CADPS2: variants seen among roughly 807,000 people sequenced by gnomAD.
CADPS2 encodes calcium-dependent secretion activator 2.
In CADPS2, 93 loss-of-function variants were observed where a neutral mutation model predicts 172.5. That is an observed-to-expected ratio of 0.54 (90% CI 0.46 to 0.64). The LOEUF is 0.64. Among genes scored for constraint, CADPS2 ranks in the 30% least tolerant of loss-of-function variants. CADPS2 has a pLI of 0.00. For missense variants in CADPS2, 1,420 were observed against 1,565.9 expected, an observed-to-expected ratio of 0.91 and a Z score of 1.57; for synonymous variants, 546 against 555.2, an observed-to-expected ratio of 0.98 and a Z score of 0.23.
At chr7:122,864,960 G>A (rs1365418762) in intron 1 of CADPS2, among the ~76,000 whole-genome samples, 1 of 152,016 alleles carries the variant, frequency 6.6e-6, no homozygotes, top group Non-Finnish European at 1.5e-5. Context: ...CTGTTTGTAT[G>A]TTTGTCCCCA....
At chr7:122,628,997 AG>A (rs2076326798) in intron 4 of CADPS2, among the ~76,000 whole-genome samples, 1 of 151,696 alleles carries the variant, frequency 6.6e-6, no homozygotes, top group South Asian at 2.1e-4. Flanking sequence ...TTGCTTTAAG[AG>A]AAGTCTATAA....
At chr7:122,525,612 C>T (rs2061165979) in intron 8 of CADPS2, among the ~76,000 whole-genome samples, 1 of 152,084 alleles carries the variant, frequency 6.6e-6, no homozygotes, top group Admixed American at 6.6e-5. Flanking sequence ...AGTCATACAT[C>T]GCTGAATGAT....
At chr7:122,410,999 T>C (rs537091531) in intron 19 of CADPS2, among the ~76,000 whole-genome samples, 32 of 152,282 alleles carry the variant, frequency 2.1e-4, no homozygotes, top group African/African-American at 7.5e-4. Context: ...AAAGCAATGA[T>C]TGAATCTAAG....
intron 17 of CADPS2, chr7:122,436,380 C>T: frequency 6.3e-6 from 8 of 1,278,040 alleles, no homozygotes; most frequent in Non-Finnish European, 8.2e-6. Context: ...TTCTGCTGGG[C>T]CTAAAACATA....
Position 122,615,241 on chromosome 7 carries a change from C to G in CADPS2, c.1163G>C (p.Cys388Ser). Residue 388 changes from cysteine to serine, a missense_variant, in exon 6 of 30, where the codon TGT becomes TCT. Coordinates refer to ENST00000449022, the MANE Select transcript of CADPS2 (RefSeq NM_017954.11). ...KSVAPNRIVY[C>S]TMEVEGEKLQ... ...TTTTTCTCCTTCCACTTCCATTGTA[C>G]AGTAAACAATTCGATTGGGAGCAAC... 1.9e-6 allele frequency: 3 copies of G among 1,560,686 alleles called. No homozygotes were observed. The highest frequency in any genetic ancestry group is 2.6e-6 in the Non-Finnish European group (3 of 1,150,258).
At chr7:122,828,121 C>A (rs1310538397) in intron 1 of CADPS2, among the ~76,000 whole-genome samples, 2 of 152,138 alleles carry the variant, frequency 1.3e-5, no homozygotes, top group Non-Finnish European at 2.9e-5. Flanking sequence ...ATCATCATGT[C>A]TCTGTGGTAG....
chr7:122,840,317 A>G (rs1327236483), intron 1 of CADPS2, among the ~76,000 whole-genome samples: 1 of 152,110 alleles, frequency 6.6e-6, no homozygotes, highest in African/African-American at 2.4e-5. Flanking sequence ...ATTAGGAGAT[A>G]TACCTAATGT....
intron 2 of CADPS2, among the ~76,000 whole-genome samples, chr7:122,673,080 G>A (rs2082027809): frequency 6.6e-6 from 1 of 152,184 alleles, no homozygotes; most frequent in Non-Finnish European, 1.5e-5. Context: ...TCCTTCTGGT[G>A]GGTTCGTGGT....
At position 122,637,208 on chromosome 7, in the gene CADPS2, T is replaced by TTTTTTTTTTTTTTTTTTTTTTTTTTCTC. The variant is rs778963218; in HGVS notation, c.787-7881_787-7880insGAGAAAAAAAAAAAAAAAAAAAAAAAAA. Among the ~76,000 whole-genome samples the TTTTTTTTTTTTTTTTTTTTTTTTTTCTC allele has an allele frequency of 1.1e-4, 7 of 62,664 alleles. 1 individual carries two copies. Among genetic ancestry groups the TTTTTTTTTTTTTTTTTTTTTTTTTTCTC allele is most frequent in the East Asian group, 1.4e-3 (2 of 1,452 alleles). 41.1% of individuals were successfully genotyped at this position (62,664 alleles called of 152,430 possible). A position where few individuals can be genotyped will look rare whatever the true frequency, so the allele number is the denominator to read the frequency against. On this transcript the variant is annotated intron_variant, in intron 3 of 29. Transcript: ENST00000449022. ...TTTTTTTTTTTTTTTTTTTTTTTTTTCCTGAGACAGGGTCTCACTCTGTGG... is the reference window on the plus strand; with the variant it reads ...TTTTTTTTTTTTTTTTTTTTTTTTTTTTTTTTTTTTTTTTTTTTTTTTTTTCTCCCTGAGACAGGGTCTCACTCTGTGG...
intron 1 of CADPS2, among the ~76,000 whole-genome samples, chr7:122,859,493 T>C (rs1437987797): frequency 6.6e-6 from 1 of 152,224 alleles, no homozygotes; most frequent in Non-Finnish European, 1.5e-5. Flanking sequence ...TAGGTCTTAT[T>C]ATAGTTAATG....
chr7:122,686,699 T>C (rs2083671961), intron 2 of CADPS2, among the ~76,000 whole-genome samples: 1 of 152,172 alleles, frequency 6.6e-6, no homozygotes, highest in South Asian at 2.1e-4. Flanking sequence ...TCTGCACTGT[T>C]CTCCACCCTG....
At chr7:122,604,620 TA>T (rs1376561846) in intron 6 of CADPS2, among the ~76,000 whole-genome samples, 2 of 152,168 alleles carry the variant, frequency 1.3e-5, no homozygotes, top group Admixed American at 6.6e-5. Flanking sequence ...AAATAAATGG[TA>T]TCTCCTAGAA....
intron 1 of CADPS2, among the ~76,000 whole-genome samples, chr7:122,850,759 G>C (rs1300588227): frequency 6.6e-6 from 1 of 152,186 alleles, no homozygotes; most frequent in Middle Eastern, 3.2e-3. Flanking sequence ...TTATTATCAA[G>C]TGTCTTCCAT....
In CADPS2 at chr7:122,701,878, G is replaced by A. The variant is rs776642768; in HGVS notation, c.453+35077C>T. The A allele has an allele frequency of 3.7e-6, 6 of 1,613,120 alleles. 1 individual carries two copies. The Admixed American group carries it at 1.0e-4, about 27-fold the overall frequency. ...ACTTGCACATGGGACATGTCCTATG[G>A]GCTAAAAGCCAGGGGTCAATGCATG... On this transcript the variant is annotated intron_variant, in intron 2 of 29. Coordinates refer to ENST00000449022, the MANE Select transcript of CADPS2 (RefSeq NM_017954.11).
rs576742720 is a variant in CADPS2, at chr7:122,721,517, T to C, written c.453+15438A>G. On this transcript the variant is annotated intron_variant, in intron 2 of 29. Transcript: ENST00000449022. ...GAAGTTGAATCTCTGAATAGACCAA[T>C]AACAGGCTCTGAAATTGAGGCAATA... Among the ~76,000 whole-genome samples the C allele has an allele frequency of 9.5e-4, 145 of 152,030 alleles. 1 individual carries two copies. The highest frequency in any genetic ancestry group is 1.6e-3 in the Non-Finnish European group (112 of 67,976).
chr7:122,480,689 T>C (rs897943615), intron 12 of CADPS2, among the ~76,000 whole-genome samples, 163 bp downstream of exon 12: 4 of 152,208 alleles, frequency 2.6e-5, no homozygotes, highest in Non-Finnish European at 5.9e-5. Flanking sequence ...TTTGTTGCGA[T>C]AGACATTTTT....
chr7:122,408,491 C>T (rs535790716), intron 19 of CADPS2, among the ~76,000 whole-genome samples: 2 of 152,254 alleles, frequency 1.3e-5, no homozygotes, highest in South Asian at 4.1e-4. Context: ...GTGGGTTGAT[C>T]TCAGCTTACT....
intron 1 of CADPS2, among the ~76,000 whole-genome samples, chr7:122,818,764 G>A (rs1032719035): frequency 3.9e-5 from 6 of 152,022 alleles, no homozygotes; most frequent in African/African-American, 1.5e-4. Flanking sequence ...AAGGTGGCTG[G>A]AGCTAAAGGC....
chr7:122,359,597 A>C (rs546458584), intron 27 of CADPS2, among the ~76,000 whole-genome samples: 1 of 152,260 alleles, frequency 6.6e-6, no homozygotes, highest in African/African-American at 2.4e-5. Flanking sequence ...TGTGATATAT[A>C]CAAGATTATT....
Sources: allele counts gnomAD v4.1 joint callset (sites outside exome capture counted in the v4.1 genomes callset), GRCh38; gene constraint gnomAD v4.1.1; transcripts MANE v1.5; gene names NCBI Gene and HGNC (gene_info 2026-07-23, HGNC 2026-07-21).